The following VIPR1 variants were observed in gnomAD, a reference collection of about 807,000 sequenced individuals.
The protein encoded by VIPR1 is vasoactive intestinal polypeptide receptor 1.
A neutral mutation model predicts 58.8 loss-of-function variants in VIPR1; 59 were observed. That is an observed-to-expected ratio of 1.00 (90% confidence interval 0.81 to 1.25). The LOEUF is 1.25. Ranked by LOEUF, VIPR1 falls within the 50% of genes most tolerant of loss-of-function variation. The pLI is 0.00. For missense variants in VIPR1, 626 were observed against 602.7 expected (o/e 1.04, Z -0.40); for synonymous variants, 251 against 242.1 (o/e 1.04, Z -0.34).
upstream of VIPR1, among the ~76,000 whole-genome samples, chr3:42,498,717 C>T (rs115729996): frequency 0.022 from 3,389 of 152,198 alleles, 106 homozygotes; most frequent in African/African-American, 0.076. Context: ...ACAGAAGATC[C>T]CCCACAATCC....
intron 2 of VIPR1, among the ~76,000 whole-genome samples, chr3:42,514,754 G>A (rs1700541305): frequency 6.6e-6 from 1 of 152,138 alleles, no homozygotes; most frequent in Admixed American, 6.5e-5. Context: ...AGGGGGCTGG[G>A]AGAGCCCCAC....
At chr3:42,520,740 C>T (rs1445286433) in intron 3 of VIPR1, among the ~76,000 whole-genome samples, 2 of 152,148 alleles carry the variant, frequency 1.3e-5, no homozygotes, top group Non-Finnish European at 2.9e-5. Flanking sequence ...CTTTTCCTCC[C>T]TGGACCCCAG....
In VIPR1 at chr3:42,536,150, A is replaced by T. The variant is rs1173331297; in HGVS notation, c.1243A>T (p.Asn415Tyr). The change falls in exon 13 of 13, where the codon AAC becomes TAC. Residue 415 changes from asparagine (N) to tyrosine (Y), a missense_variant. Transcript: ENST00000325123. ...RWHLQGVLGW[N>Y]PKYRHPSGGS... ...GCACCTGCAGGGCGTCCTGGGCTGG[A>T]ACCCCAAATACCGGCACCCGTCGGG... The T allele has an allele frequency of 2.5e-6, 4 of 1,607,954 alleles. No homozygotes were observed. Among genetic ancestry groups the T allele is most frequent in the Non-Finnish European group, 3.4e-6 (4 of 1,177,836 alleles).
rs76589647 is a variant in VIPR1 at position 42,528,616 on chromosome 3, C to G, written c.636+493C>G. 296 of 157,554 alleles carry G rather than the reference C, an allele frequency of 1.9e-3. 2 individuals carry two copies. The Middle Eastern group carries it at 0.026, about 14-fold the overall frequency. The allele number at this position is 157,554 out of a possible 1,614,324, so 9.8% of individuals were successfully genotyped here. ...GTGGGTCCATACATATGCAGTCCTC[C>G]TCTTTTGTTCTGATCCTGACAGCAG... On this transcript the variant is annotated intron_variant, in intron 6 of 12. Coordinates refer to ENST00000325123, the MANE Select transcript of VIPR1 (RefSeq NM_004624.4).
At chr3:42,505,590 G>C (rs1348587543) in intron 1 of VIPR1, among the ~76,000 whole-genome samples, 1 of 152,254 alleles carries the variant, frequency 6.6e-6, no homozygotes, top group African/African-American at 2.4e-5. Flanking sequence ...ACCTCAGTTA[G>C]GCCTGGCCAG....
chr3:42,498,223 C>T (rs1186183260), upstream of VIPR1, among the ~76,000 whole-genome samples: 1 of 152,252 alleles, frequency 6.6e-6, no homozygotes, highest in Admixed American at 6.5e-5. Flanking sequence ...CCTCTAGCCA[C>T]ATTGCCTTCA....
intron 2 of VIPR1, among the ~76,000 whole-genome samples, chr3:42,515,509 G>A (rs1046226336): frequency 6.6e-6 from 1 of 152,216 alleles, no homozygotes. Flanking sequence ...ACTCCACTGC[G>A]CACCTCCCAC....
chr3:42,498,942 A>G (rs144787413), upstream of VIPR1, among the ~76,000 whole-genome samples: 1 of 152,304 alleles, frequency 6.6e-6, no homozygotes, highest in East Asian at 1.9e-4. Context: ...GCCTGGAGTT[A>G]AGGTGCATCT....
At chr3:42,510,868 G>T (rs1700330071) in intron 1 of VIPR1, among the ~76,000 whole-genome samples, 1 of 152,102 alleles carries the variant, frequency 6.6e-6, no homozygotes. Flanking sequence ...GGCTGGAGAA[G>T]TTGACCCAAC....
intron 1 of VIPR1, chr3:42,506,706 T>G (rs1406527670): frequency 6.6e-6 from 1 of 152,034 alleles, no homozygotes; most frequent in Non-Finnish European, 1.5e-5. Context: ...TTTTGTATTT[T>G]TAGTAGAGAC....
intron 1 of VIPR1, among the ~76,000 whole-genome samples, chr3:42,494,316 T>C (rs1032811570): frequency 2.0e-5 from 3 of 152,238 alleles, no homozygotes; most frequent in Non-Finnish European, 4.4e-5. Context: ...ATTTGCTTTG[T>C]TTTAATATCA....
chr3:42,533,143 G>C (rs1015306398), intron 10 of VIPR1: 4 of 152,302 alleles, frequency 2.6e-5, no homozygotes, highest in Non-Finnish European at 5.9e-5. Flanking sequence ...ATGGGAGTAG[G>C]AGATTGAGTA....
At chr3:42,517,034 A>C (rs1700663445) in intron 2 of VIPR1, among the ~76,000 whole-genome samples, 1 of 152,192 alleles carries the variant, frequency 6.6e-6, no homozygotes, top group Non-Finnish European at 1.5e-5. Context: ...GACAGCCAAC[A>C]TGAGGCCACA....
At chr3:42,501,702 G>T (rs1482038756), upstream of VIPR1, among the ~76,000 whole-genome samples, 1 of 152,244 alleles carries the variant, frequency 6.6e-6, no homozygotes. The surrounding 1 kb of genome is among the most constrained non-coding windows in gnomAD (Gnocchi z 4.8). Context: ...AAGGCAGGCG[G>T]CCAGGGTCCT....
At chr3:42,527,566 C>G (rs962100158) in intron 5 of VIPR1, 70 bp downstream of exon 5, 1 of 1,506,306 alleles carries the variant, frequency 6.6e-7, no homozygotes, top group South Asian at 1.1e-5. Flanking sequence ...TGGAGCCCAG[C>G]GTGGCCCAGG....
At chr3:42,491,972 G>C (rs1221631575) in intron 1 of VIPR1, among the ~76,000 whole-genome samples, 1 of 152,312 alleles carries the variant, frequency 6.6e-6, no homozygotes, top group Non-Finnish European at 1.5e-5. Context: ...GTGGTGAACA[G>C]GTGAACAGGT....
chr3:42,533,129 A>C (rs1273529582), intron 10 of VIPR1: 1 of 152,338 alleles, frequency 6.6e-6, no homozygotes, highest in Non-Finnish European at 1.5e-5. Context: ...CTGCATGCTC[A>C]CAGATGGGAG....
At chr3:42,535,247 T>G in intron 11 of VIPR1, 96 bp from the exon 12 acceptor site, 1 of 1,601,144 alleles carries the variant, frequency 6.2e-7, no homozygotes, top group Non-Finnish European at 8.5e-7. Flanking sequence ...AGCTCTTTCC[T>G]TAACCAGGGG....
chr3:42,513,677 G>A, intron 1 of VIPR1, 72 bp from the exon 2 acceptor site: 1 of 1,484,994 alleles, frequency 6.7e-7, no homozygotes, highest in Non-Finnish European at 9.2e-7. Flanking sequence ...GGCAGGTGCA[G>A]TCCAGAGACT....
Sources: gnomAD v4.1 joint callset for allele counts (sites outside exome capture counted in the v4.1 genomes callset) on GRCh38, gnomAD v4.1.1 for gene constraint, Gnocchi (gnomAD v3.1) non-coding constraint, MANE v1.5 for transcripts, NCBI Gene and HGNC (gene_info 2026-07-23, HGNC 2026-07-21) for gene names.